Variants in PPME1 observed in about 807,000 individuals in gnomAD.
The protein encoded by PPME1 is testicular secretory protein Li 39.
A neutral mutation model predicts 56.9 loss-of-function variants in PPME1; 17 were observed. The observed-to-expected ratio is 0.30, with a 90% CI of 0.20 to 0.45. The LOEUF is 0.45. Among genes scored for constraint, PPME1 ranks in the 20% least tolerant of loss-of-function variants. PPME1 has a pLI of 1.00. For synonymous variants in PPME1, 122 were observed against 156.2 expected (o/e 0.78, Z 1.63); for missense variants, 357 against 483.2 (o/e 0.74, Z 2.45).
chr11:74,176,281 TCATC>T (rs1001526993), intron 1 of PPME1, among the ~76,000 whole-genome samples: 2 of 152,218 alleles, frequency 1.3e-5, no homozygotes, highest in Admixed American at 1.3e-4. Context: ...AGATAGTCTT[TCATC>T]CATCTTCTTA....
intron 1 of PPME1, among the ~76,000 whole-genome samples, chr11:74,191,207 G>A (rs1857828214): frequency 6.6e-6 from 1 of 152,180 alleles, no homozygotes; most frequent in South Asian, 2.1e-4. Flanking sequence ...GGATGTGGTG[G>A]TATATGCCAG....
In PPME1 at chr11:74,240,276, A is replaced by G. The variant is rs117199016; in HGVS notation, c.834+1020A>G. On this transcript the variant is annotated intron_variant, in intron 9 of 13. Coordinates refer to ENST00000328257, the MANE Select transcript of PPME1 (RefSeq NM_016147.3). ...TCCTTTGCTAGTCATCTGTTGACTC[A>G]TGTTGTCCTCTGTGCAAGAATTGTA... 5.7e-3 allele frequency among the ~76,000 whole-genome samples: 862 copies of G among 152,274 alleles called. 14 individuals carry two copies. In the East Asian group the frequency reaches 0.072, roughly 13 times the overall value.
At chr11:74,221,924 A>G (rs1858810817) in intron 3 of PPME1, among the ~76,000 whole-genome samples, 1 of 152,174 alleles carries the variant, frequency 6.6e-6, no homozygotes, top group Non-Finnish European at 1.5e-5. Context: ...CTGAGCCAAG[A>G]TATAAACTGA....
chr11:74,210,333 T>A (rs1858439454), intron 3 of PPME1, among the ~76,000 whole-genome samples: 1 of 152,208 alleles, frequency 6.6e-6, no homozygotes, highest in South Asian at 2.1e-4. Flanking sequence ...TCCTAAAGAT[T>A]ATAAAATTCA....
rs1859045182 is a variant in PPME1, at chr11:74,230,746, G to C, written c.554-166G>C. Reference sequence around the variant, plus strand: ...CTTCAGTGTGAGGGCATGACATAAAGAAGTGAATACCCCAGAGGCAAAAAT... The same window carrying C: ...CTTCAGTGTGAGGGCATGACATAAACAAGTGAATACCCCAGAGGCAAAAAT... On this transcript the variant is annotated intron_variant, in intron 6 of 13. Transcript: ENST00000328257. This position sits in a 1 kb window ranked among gnomAD's most constrained non-coding sequence, Gnocchi z 4.9. 1.6e-6 allele frequency: 1 copy of C among 631,896 alleles called. No individual in the cohort carries two copies. The highest frequency in any genetic ancestry group is 1.8e-5 in the African/African-American group (1 of 54,296). 39.1% of individuals were successfully genotyped at this position (631,896 alleles called of 1,614,324 possible). A position where few individuals can be genotyped will look rare whatever the true frequency, so the allele number is the denominator to read the frequency against.
chr11:74,187,689 A>G (rs1857722232), intron 1 of PPME1, among the ~76,000 whole-genome samples: 1 of 152,204 alleles, frequency 6.6e-6, no homozygotes, highest in African/African-American at 2.4e-5. Flanking sequence ...TACAAGTCCA[A>G]GTTTAATCAA....
chr11:74,231,239 G>A (rs1304202290), intron 7 of PPME1, among the ~76,000 whole-genome samples: 1 of 152,040 alleles, frequency 6.6e-6, no homozygotes. Context: ...TAAATTTTTT[G>A]TAGAAACGAG....
At chr11:74,207,689 A>G (rs1294632089) in intron 3 of PPME1, among the ~76,000 whole-genome samples, 1 of 152,236 alleles carries the variant, frequency 6.6e-6, no homozygotes, top group African/African-American at 2.4e-5. Context: ...AGTACTAGGT[A>G]TAACAGACCA....
chr11:74,251,101 G>A, intron 12 of PPME1, 83 bp downstream of exon 12: 1 of 1,535,542 alleles, frequency 6.5e-7, no homozygotes, highest in South Asian at 1.2e-5. Flanking sequence ...CTGAGTCTCA[G>A]CCTGCATTGC....
At chr11:74,245,323 C>G (rs1859476113) in intron 9 of PPME1, among the ~76,000 whole-genome samples, 1 of 151,820 alleles carries the variant, frequency 6.6e-6, no homozygotes, top group South Asian at 2.1e-4. Context: ...ATGTTACTAT[C>G]TCATGTTCAC....
intron 1 of PPME1, among the ~76,000 whole-genome samples, chr11:74,197,583 G>C (rs1251234173): frequency 1.3e-5 from 2 of 152,192 alleles, no homozygotes; most frequent in East Asian, 3.9e-4. Flanking sequence ...CAGGCTTACA[G>C]AACTGAAGTG....
At chr11:74,231,457 G>A (rs1290373303) in intron 7 of PPME1, among the ~76,000 whole-genome samples, 1 of 152,182 alleles carries the variant, frequency 6.6e-6, no homozygotes, top group Non-Finnish European at 1.5e-5. Flanking sequence ...TTTAGGTCAA[G>A]CACCAAGTTC....
At chr11:74,250,358 C>G (rs1158486258) in intron 11 of PPME1, 1 of 152,844 alleles carries the variant, frequency 6.5e-6, no homozygotes, top group East Asian at 1.9e-4. Flanking sequence ...TAGTACAATG[C>G]CTGGCACATG....
intron 9 of PPME1, 57 bp from the exon 10 acceptor site, chr11:74,246,019 A>C (rs1859492967): frequency 1.3e-6 from 2 of 1,536,420 alleles, no homozygotes; most frequent in South Asian, 1.2e-5. Context: ...CTAGTTTTTA[A>C]TCCTGTTCCT....
At chr11:74,247,003 T>G (rs1003079414) in intron 10 of PPME1, 76 bp from the exon 11 acceptor site, 1 of 1,249,994 alleles carries the variant, frequency 8.0e-7, no homozygotes, top group African/African-American at 1.5e-5. Flanking sequence ...GTCATCATAT[T>G]TAAAACTTTG....
At chr11:74,215,563 C>T (rs565570531) in intron 3 of PPME1, among the ~76,000 whole-genome samples, 3 of 152,034 alleles carry the variant, frequency 2.0e-5, no homozygotes, top group African/African-American at 7.2e-5. Flanking sequence ...TTTAAACATA[C>T]CACCAGAGAA....
intron 1 of PPME1, among the ~76,000 whole-genome samples, chr11:74,203,070 G>T (rs1024721561): frequency 6.6e-6 from 1 of 151,638 alleles, no homozygotes; most frequent in African/African-American, 2.4e-5. Context: ...TATTTTCATC[G>T]GTCCCCTATT....
At position 74,226,065 on chromosome 11, in the gene PPME1, C is replaced by A. The variant is rs545429403; in HGVS notation, c.398+809C>A. ...TAAACATTTTCCTTCAGAGCCCAAA[C>A]TGATGTAGGCAACAATTTTAATATT... On this transcript the variant is annotated intron_variant, in intron 5 of 13. Transcript: ENST00000328257. Among the ~76,000 whole-genome samples, 306 of 152,280 alleles carry A rather than the reference C, an allele frequency of 2.0e-3. 1 individual carries two copies. The highest frequency in any genetic ancestry group is 3.8e-3 in the Non-Finnish European group (261 of 68,024).
At chr11:74,198,144 A>C (rs60219367) in intron 1 of PPME1, among the ~76,000 whole-genome samples, 15,805 of 152,130 alleles carry the variant, frequency 0.1, 2,145 homozygotes, top group African/African-American at 0.32. Flanking sequence ...CTTAATTATT[A>C]ATTTCTCTGT....
Sources: allele counts gnomAD v4.1 joint callset (sites outside exome capture counted in the v4.1 genomes callset), GRCh38; gene constraint gnomAD v4.1.1; non-coding constraint Gnocchi (gnomAD v3.1); transcripts MANE v1.5; gene names NCBI Gene and HGNC (gene_info 2026-07-23, HGNC 2026-07-21).